TNK2: variants seen among roughly 807,000 people sequenced by gnomAD.
The protein encoded by TNK2 is tyrosine kinase non receptor 2.
Under a neutral mutation model 101.8 loss-of-function variants are expected in TNK2, and 83 were observed. The observed-to-expected ratio is 0.82, with a 90% confidence interval of 0.68 to 0.98. The LOEUF (loss-of-function observed/expected upper bound fraction) is 0.98. TNK2 is among the 50% of genes least tolerant of loss of function. TNK2 has a pLI of 0.00. For missense variants in TNK2, 1,665 were observed against 1,483.2 expected, an observed-to-expected ratio of 1.12 and a Z score of -2.01; for synonymous variants, 804 against 633.0, an observed-to-expected ratio of 1.27 and a Z score of -4.06.
chr3:195,869,970 G>A (rs1343253147), intron 11 of TNK2, 144 bp downstream of exon 11: 28 of 667,552 alleles, frequency 4.2e-5, no homozygotes, highest in Non-Finnish European at 6.7e-5. Context: ...CCCAGCCGGA[G>A]CCAGGGACAC....
rs1189889012 is a variant in TNK2 at position 195,870,166 on chromosome 3, C to G, written c.1491G>C (p.Leu497=). ...LGNPMDPPDL[L]SVELSTSRPP... ...GCCGGGAGGTGCTCAGTTCCACGCT[C>G]AGGAGGTCGGGGGGGTCCATGGGGT... The change falls in exon 11 of 16, where the codon CTG becomes CTC. Residue 497 remains leucine, a synonymous_variant. Coordinates refer to ENST00000672887, the MANE Select transcript of TNK2 (RefSeq NM_001382273.1). 1.3e-6 allele frequency: 2 copies of G among 1,521,272 alleles called. No homozygotes were observed. The highest frequency in any genetic ancestry group is 8.9e-7 in the Non-Finnish European group (1 of 1,129,488). 94.2% of individuals were successfully genotyped at this position (1,521,272 alleles called of 1,614,324 possible). A position where few individuals can be genotyped will look rare whatever the true frequency, so the allele number is the denominator to read the frequency against.
At position 195,867,950 on chromosome 3, in the gene TNK2, T is replaced by A. The variant is rs572068450; in HGVS notation, c.2348A>T (p.Gln783Leu). Residue 783 changes from glutamine to leucine, a missense_variant, in exon 13 of 16, where the codon CAG (glutamine) becomes CTG (leucine). By Grantham distance (113) the Gln-to-Leu change is moderately radical. Transcript: ENST00000672887. ...PAPPGEEETSQWPGPASPPRV... is the reference protein window; with the variant it reads ...PAPPGEEETSLWPGPASPPRV... The stretch of plus-strand genomic sequence containing the variant: ...GGGAGGGGAAGCAGGTCCAGGCCAC[T>A]GGCTGGTCTCCTCCTCGCCCGGGGG... The A allele has an allele frequency of 1.4e-5, 22 of 1,543,518 alleles. No individual in the cohort carries two copies. The African/African-American group carries it at 2.3e-4, about 16-fold the overall frequency.
At position 195,885,587 on chromosome 3, in the gene TNK2, AGT is replaced by A. The variant is rs1256585225; in HGVS notation, c.235-556_235-555del. On this transcript the variant is annotated intron_variant, in intron 3 of 15. Transcript: ENST00000672887. The surrounding 1 kb of genome is among the most constrained non-coding windows in gnomAD (Gnocchi z 4.7). Reference sequence around the variant, plus strand: ...AATTTTAGTCTGAGGTTGAACCGTGAGTGTGTGTGTGGTTCAGATGAAGCTAG... The same window carrying A: ...AATTTTAGTCTGAGGTTGAACCGTGAGTGTGTGTGGTTCAGATGAAGCTAG... The A allele has an allele frequency of 3.9e-6, 5 of 1,289,454 alleles. No individual in the cohort carries two copies. Among genetic ancestry groups the A allele is most frequent in the East Asian group, 5.6e-5 (1 of 18,018 alleles). The allele number at this position is 1,289,454 out of a possible 1,614,324, so 79.9% of individuals were successfully genotyped here.
At chr3:195,892,023 G>C in intron 1 of TNK2, 3 of 1,029,804 alleles carry the variant, frequency 2.9e-6, no homozygotes, top group Non-Finnish European at 3.5e-6. Flanking sequence ...GAGGCAAGCG[G>C]TCAGGGTCTC....
At chr3:195,870,514 C>A in intron 10 of TNK2, 1 of 788,772 alleles carries the variant, frequency 1.3e-6, no homozygotes. Context: ...CAGGCAGCGG[C>A]CAGAGGGCAG....
intron 10 of TNK2, 134 bp from the exon 11 acceptor site, chr3:195,870,339 G>A (rs1433986573): frequency 3.9e-6 from 6 of 1,525,536 alleles, no homozygotes; most frequent in Non-Finnish European, 5.3e-6. Context: ...CCGCCTCCCA[G>A]TCCACAGAAC....
At position 195,867,469 on chromosome 3, in the gene TNK2, G is replaced by C; in HGVS notation, c.2829C>G (p.Ser943Arg). 1 of 1,583,676 alleles carries C rather than the reference G, an allele frequency of 6.3e-7. No individual in the cohort carries two copies. The change falls in exon 13 of 16, where the codon AGC becomes AGG. Residue 943 changes from serine (S) to arginine (R), a missense_variant. This residue lies in a region of TNK2 where 1,136 missense variants were observed against 894.9 expected (regional missense o/e 1.27). Coordinates refer to ENST00000672887, the MANE Select transcript of TNK2 (RefSeq NM_001382273.1). ...GGGGTGGTGGCCGGGCCCCTGGGTT[G>C]CTGTTGTTGGTGGAGAAGTTGGCCT... ...DPKANFSTNN[S>R]NPGARPPPPR...
In TNK2 at chr3:195,898,171, C is replaced by T. The variant is rs143501780; in HGVS notation, c.-18-9565G>A. The stretch of plus-strand genomic sequence containing the variant: ...CCGAGGTAGAAACCACACCCCACCA[C>T]GGACCCCCAACCAAGACTCCTCCTC... On this transcript the variant is annotated intron_variant, in intron 1 of 15. Coordinates refer to ENST00000672887, the MANE Select transcript of TNK2 (RefSeq NM_001382273.1). Among the ~76,000 whole-genome samples, 114 of 152,192 alleles carry T rather than the reference C, an allele frequency of 7.5e-4. 1 individual carries two copies. Among genetic ancestry groups the T allele is most frequent in the African/African-American group, 2.5e-3 (104 of 41,524 alleles).
At chr3:195,902,906 C>T (rs1232679250) in intron 1 of TNK2, among the ~76,000 whole-genome samples, 1 of 151,864 alleles carries the variant, frequency 6.6e-6, no homozygotes, top group African/African-American at 2.4e-5. Context: ...CATACCATCA[C>T]ACCCGGCTAA....
chr3:195,871,665 A>T (rs1745412613), intron 10 of TNK2, among the ~76,000 whole-genome samples: 1 of 152,014 alleles, frequency 6.6e-6, no homozygotes, highest in Non-Finnish European at 1.5e-5. Context: ...GGCTCCGGGG[A>T]CCTTTCCACC....
intron 9 of TNK2, among the ~76,000 whole-genome samples, chr3:195,877,648 TG>T (rs1750158410): frequency 6.6e-6 from 1 of 151,936 alleles, no homozygotes; most frequent in Admixed American, 6.5e-5. Flanking sequence ...CCAGCAGTGG[TG>T]GGGCCTCAGG....
chr3:195,898,396 T>A (rs1760866378), intron 1 of TNK2, among the ~76,000 whole-genome samples: 1 of 152,146 alleles, frequency 6.6e-6, no homozygotes, highest in Non-Finnish European at 1.5e-5. Flanking sequence ...AAAAATGGAA[T>A]CCCCATCATA....
intron 10 of TNK2, chr3:195,870,428 G>C: frequency 7.2e-7 from 1 of 1,382,018 alleles, no homozygotes; most frequent in African/African-American, 1.5e-5. Flanking sequence ...GGAAAGCCTA[G>C]GACCTCAGGG....
rs569404512 is a variant in TNK2 at position 195,882,351 on chromosome 3, A to G, written c.610-23T>C. ...CACCTGAGGCCACGGAGGAGGCAGG[A>G]GGAATGAGCTGGAGGACCCTGCCCC... On this transcript the variant is annotated intron_variant, in intron 5 of 15. Transcript: ENST00000672887. This position sits in a 1 kb window ranked among gnomAD's most constrained non-coding sequence, Gnocchi z 4.2. The G allele has an allele frequency of 2.6e-5, 42 of 1,607,422 alleles. No homozygotes were observed. The highest frequency in any genetic ancestry group is 2.0e-4 in the Admixed American group (12 of 59,882).
At chr3:195,887,682 G>A (rs2149651172) in intron 2 of TNK2, among the ~76,000 whole-genome samples, 1 of 152,290 alleles carries the variant, frequency 6.6e-6, no homozygotes, top group Admixed American at 6.5e-5. Context: ...CCCACTTTTA[G>A]GAAAAATATG....
At chr3:195,898,993 G>C (rs1308024991) in intron 1 of TNK2, among the ~76,000 whole-genome samples, 1 of 152,146 alleles carries the variant, frequency 6.6e-6, no homozygotes, top group African/African-American at 2.4e-5. Context: ...CTACTCGGGA[G>C]GCTGAGGCAG....
rs200278065 is a variant in TNK2, at chr3:195,878,476, C to T, written c.1131G>A (p.Thr377=). The T allele has an allele frequency of 6.6e-5, 106 of 1,613,874 alleles. No individual in the cohort carries two copies. Among genetic ancestry groups the T allele is most frequent in the Non-Finnish European group, 8.3e-5 (98 of 1,180,052 alleles). ...GCAGGAAGTCCCGCAGGGCCACAAA[C>T]GTGGGTCTGTCCTCTGGCTTGTGAG... The part of the protein sequence containing the change: ...CWAHKPEDRP[T]FVALRDFLLE... Residue 377 remains threonine, a synonymous_variant, in exon 8 of 16, where the codon ACG becomes ACA. Transcript: ENST00000672887. This position sits in a 1 kb window ranked among gnomAD's most constrained non-coding sequence, Gnocchi z 4.7.
At position 195,878,498 on chromosome 3, in the gene TNK2, T is replaced by G. The variant is rs1750658251; in HGVS notation, c.1109A>C (p.His370Pro). The G allele has an allele frequency of 1.2e-6, 2 of 1,613,942 alleles. No homozygotes were observed. The highest frequency in any genetic ancestry group is 2.2e-5 in the South Asian group (2 of 91,092). ...AAACGTGGGTCTGTCCTCTGGCTTGTGAGCCCAGCACTGGACCATGACGTT... is the reference window on the plus strand; with the variant it reads ...AAACGTGGGTCTGTCCTCTGGCTTGGGAGCCCAGCACTGGACCATGACGTT... ...IYNVMVQCWA[H>P]KPEDRPTFVA... The change falls in exon 8 of 16, where the codon CAC (histidine) becomes CCC (proline). Residue 370 changes from histidine (H) to proline (P), a missense_variant. His to Pro is a moderately conservative substitution (Grantham distance 77). Coordinates refer to ENST00000672887, the MANE Select transcript of TNK2 (RefSeq NM_001382273.1). This position sits in a 1 kb window ranked among gnomAD's most constrained non-coding sequence, Gnocchi z 4.7.
Position 195,888,432 on chromosome 3 carries a change from G to T in TNK2, c.157C>A (p.Arg53=). 6.2e-7 allele frequency: 1 copy of T among 1,613,270 alleles called. No homozygotes were observed. The highest frequency in any genetic ancestry group is 1.1e-5 in the South Asian group (1 of 90,992). ...NEDLEKIGMG[R]PGQRRLWEAV... is the part of the protein sequence containing the mutation. ...AGGCCAACATCCCACCTACCAGGCCGACCCATGCCGATCTTCTCCAGGTCC... is the reference window on the plus strand; with the variant it reads ...AGGCCAACATCCCACCTACCAGGCCTACCCATGCCGATCTTCTCCAGGTCC... The change falls in exon 2 of 16, where the codon CGG becomes AGG. Residue 53 remains arginine (R), a synonymous_variant. Coordinates refer to ENST00000672887, the MANE Select transcript of TNK2 (RefSeq NM_001382273.1). This position sits in a 1 kb window ranked among gnomAD's most constrained non-coding sequence, Gnocchi z 5.3.
Sources: allele counts gnomAD v4.1 joint callset (sites outside exome capture counted in the v4.1 genomes callset), GRCh38; gene constraint gnomAD v4.1.1; regional missense constraint gnomAD v4.1.1; non-coding constraint Gnocchi (gnomAD v3.1); transcripts MANE v1.5; gene names NCBI Gene and HGNC (gene_info 2026-07-23, HGNC 2026-07-21).